Variants in ASB18 observed in about 807,000 individuals in gnomAD.
ASB18 encodes ankyrin repeat and SOCS box containing 18.
ASB18 carries 33 observed loss-of-function variants against 33.4 expected under a neutral mutation model. The ratio of observed to expected loss-of-function variants is 0.99; its 90% confidence interval spans 0.75 to 1.32. The LOEUF is 1.32. Among genes scored for constraint, ASB18 ranks in the 40% most tolerant of loss-of-function variants. The probability of loss-of-function intolerance (pLI) is 0.00; values close to 1 mark genes in which losing one functional copy is unlikely to be tolerated. For missense variants in ASB18, 694 were observed against 655.5 expected (o/e 1.06, Z -0.64); for synonymous variants, 295 against 307.6 (o/e 0.96, Z 0.43).
Position 236,237,806 on chromosome 2 carries a change from C to T in ASB18, c.479G>A (p.Cys160Tyr). ...GACGCAGGCGGTGTGGCCCCCGAGG[C>T]AGGCCTCGTGCAGGGCGCCGCGGCC... ...PGGRGALHEA[C>Y]LGGHTACVRL... is the part of the protein sequence containing the mutation. Residue 160 changes from cysteine (C) to tyrosine (Y), a missense_variant, in exon 3 of 6, where the codon TGC (cysteine) becomes TAC (tyrosine). Coordinates refer to ENST00000409749, the MANE Select transcript of ASB18 (RefSeq NM_212556.4). The surrounding 1 kb of genome is among the most constrained non-coding windows in gnomAD (Gnocchi z 6.2). 4.2e-6 allele frequency: 6 copies of T among 1,421,278 alleles called. No homozygotes were observed. Among genetic ancestry groups the T allele is most frequent in the Non-Finnish European group, 4.6e-6 (5 of 1,093,362 alleles). 88.0% of individuals were successfully genotyped at this position (1,421,278 alleles called of 1,614,324 possible).
chr2:236,224,165 T>C (rs1480965640), intron 3 of ASB18, among the ~76,000 whole-genome samples: 5 of 150,206 alleles, frequency 3.3e-5, no homozygotes, highest in East Asian at 2.0e-4. Flanking sequence ...CCTGATCTTG[T>C]CAACATTTGG....
In ASB18 at chr2:236,235,893, C is replaced by T. The variant is rs1053284092; in HGVS notation, c.596+1796G>A. Among the ~76,000 whole-genome samples, 8 of 152,096 alleles carry T rather than the reference C, an allele frequency of 5.3e-5. No homozygotes were observed. Among genetic ancestry groups the T allele is most frequent in the Admixed American group, 3.9e-4 (6 of 15,262 alleles). The stretch of plus-strand genomic sequence containing the variant: ...ATTTTTTGTAGAGATGGGGTTTTGC[C>T]GTGTTGCCCAGGCTGGTCTTGAACT... On this transcript the variant is annotated intron_variant, in intron 3 of 5. Coordinates refer to ENST00000409749, the MANE Select transcript of ASB18 (RefSeq NM_212556.4). This position sits in a 1 kb window ranked among gnomAD's most constrained non-coding sequence, Gnocchi z 6.2.
rs375309927 is a variant in ASB18 at position 236,256,885 on chromosome 2, A to C, written c.205+7256T>G. Among the ~76,000 whole-genome samples the C allele has an allele frequency of 2.0e-5, 3 of 151,258 alleles. No individual in the cohort carries two copies. Among genetic ancestry groups the C allele is most frequent in the Admixed American group, 2.0e-4 (3 of 15,168 alleles). On this transcript the variant is annotated intron_variant, in intron 1 of 5. Transcript: ENST00000409749. The surrounding 1 kb of genome is among the most constrained non-coding windows in gnomAD (Gnocchi z 4.7). ...AGTGTCATTCAACCTGCTTCTGGGG[A>C]AAAAAAAAGAGCCTAGGGTGTGTGT...
intron 4 of ASB18, among the ~76,000 whole-genome samples, chr2:236,212,785 C>G (rs552149010): frequency 3.3e-5 from 5 of 151,946 alleles, no homozygotes; most frequent in East Asian, 1.9e-4. Flanking sequence ...CCACCAGGCC[C>G]TGCTAATTTT....
chr2:236,244,534 G>A lies in ASB18; in HGVS notation c.206-3132C>T, dbSNP rs1168017500. ...GCTGTGCATCCTTGGTCACAGTCGA[G>A]CTTCCTAAGCCTCCTTTTATGCCAG... On this transcript the variant is annotated intron_variant, in intron 1 of 5. Coordinates refer to ENST00000409749, the MANE Select transcript of ASB18 (RefSeq NM_212556.4). This position sits in a 1 kb window ranked among gnomAD's most constrained non-coding sequence, Gnocchi z 6.1. Among the ~76,000 whole-genome samples, 1 of 152,200 alleles carries A rather than the reference G, an allele frequency of 6.6e-6. No individual in the cohort carries two copies. Among genetic ancestry groups the A allele is most frequent in the Admixed American group, 6.5e-5 (1 of 15,284 alleles).
Position 236,209,505 on chromosome 2 carries a change from A to T in ASB18, c.1101+4857T>A, listed in dbSNP as rs1028006369. 6.6e-6 allele frequency among the ~76,000 whole-genome samples: 1 copy of T among 152,118 alleles called. No individual in the cohort carries two copies. Among genetic ancestry groups the T allele is most frequent in the African/African-American group, 2.4e-5 (1 of 41,424 alleles). On this transcript the variant is annotated intron_variant, in intron 4 of 5. Transcript: ENST00000409749. The surrounding 1 kb of genome is among the most constrained non-coding windows in gnomAD (Gnocchi z 4.4). The stretch of plus-strand genomic sequence containing the variant: ...GGCCAGTCTCAAACTGCTGGGCTCA[A>T]GTCATCCTTGTGCCTCCCAGAGTGC...
In ASB18 at chr2:236,237,539, A is replaced by G. The variant is rs113148809; in HGVS notation, c.596+150T>C. On this transcript the variant is annotated intron_variant, in intron 3 of 5. Transcript: ENST00000409749. The surrounding 1 kb of genome is among the most constrained non-coding windows in gnomAD (Gnocchi z 6.2). ...GGACGGGGCGGATGCGGGTCTGGGGATCCAGTGGGCAGAGTCAAGGGTGCA... is the reference window on the plus strand; with the variant it reads ...GGACGGGGCGGATGCGGGTCTGGGGGTCCAGTGGGCAGAGTCAAGGGTGCA... 6.6e-3 allele frequency: 3,542 copies of G among 540,174 alleles called. 14 individuals are homozygous for G. The highest frequency in any genetic ancestry group is 7.4e-3 in the Non-Finnish European group (2,591 of 349,632). The allele number at this position is 540,174 out of a possible 1,614,324, so 33.5% of individuals were successfully genotyped here.
In ASB18 at chr2:236,194,827, A is replaced by C. The variant is rs1393158172; in HGVS notation, c.*45T>G. On this transcript the variant is annotated 3_prime_UTR_variant, in exon 6 of 6. Transcript: ENST00000409749. This position sits in a 1 kb window ranked among gnomAD's most constrained non-coding sequence, Gnocchi z 4.5. ...CTCTCCAACACACGGCCTCCATGGA[A>C]GGTCAGCGAGGAGAACAACAGTATT... 6.5e-7 allele frequency: 1 copy of C among 1,529,942 alleles called. No homozygotes were observed. Among genetic ancestry groups the C allele is most frequent in the Admixed American group, 1.8e-5 (1 of 54,666 alleles). The allele number at this position is 1,529,942 out of a possible 1,614,324, so 94.8% of individuals were successfully genotyped here. A position where few individuals can be genotyped will look rare whatever the true frequency, so the allele number is the denominator to read the frequency against.
Position 236,257,501 on chromosome 2 carries a change from GACTCTATCT to G in ASB18, c.205+6631_205+6639del, listed in dbSNP as rs1348526683. On this transcript the variant is annotated intron_variant, in intron 1 of 5. Coordinates refer to ENST00000409749, the MANE Select transcript of ASB18 (RefSeq NM_212556.4). The surrounding 1 kb of genome is among the most constrained non-coding windows in gnomAD (Gnocchi z 5.5). ...TTTTGCTCAATGATTTGAAACCAGGGACTCTATCTACTGAGATTGTGTGCACGTGTGCAT... is the reference window on the plus strand; with the variant it reads ...TTTTGCTCAATGATTTGAAACCAGGGACTGAGATTGTGTGCACGTGTGCAT... 2.6e-5 allele frequency among the ~76,000 whole-genome samples: 4 copies of G among 152,128 alleles called. No individual in the cohort carries two copies. The highest frequency in any genetic ancestry group is 5.9e-5 in the Non-Finnish European group (4 of 68,024).
chr2:236,240,521 T>G (rs1559336005), intron 2 of ASB18, among the ~76,000 whole-genome samples: 1 of 152,226 alleles, frequency 6.6e-6, no homozygotes, highest in South Asian at 2.1e-4. Context: ...GTGAAACTTC[T>G]TGGTAAATAT....
At position 236,231,832 on chromosome 2, in the gene ASB18, T is replaced by C. The variant is rs28821203; in HGVS notation, c.596+5857A>G. Among the ~76,000 whole-genome samples, 25,395 of 152,146 alleles carry C rather than the reference T, an allele frequency of 0.17. 2,178 individuals are homozygous for C. The highest frequency in any genetic ancestry group is 0.24 in the South Asian group (1,158 of 4,822). On this transcript the variant is annotated intron_variant, in intron 3 of 5. Coordinates refer to ENST00000409749, the MANE Select transcript of ASB18 (RefSeq NM_212556.4). This position sits in a 1 kb window ranked among gnomAD's most constrained non-coding sequence, Gnocchi z 5.5. ...GAATAATGCTAAGCATTTATGTACC[T>C]AATAATAGAGCTTCAAATTACTTGA... is the stretch of plus-strand genomic sequence containing the variant.
chr2:236,205,963 G>C lies in ASB18; in HGVS notation c.1101+8399C>G. 6.6e-6 allele frequency among the ~76,000 whole-genome samples: 1 copy of C among 152,206 alleles called. No homozygotes were observed. Among genetic ancestry groups the C allele is most frequent in the East Asian group, 1.9e-4 (1 of 5,182 alleles). On this transcript the variant is annotated intron_variant, in intron 4 of 5. Transcript: ENST00000409749. The surrounding 1 kb of genome is among the most constrained non-coding windows in gnomAD (Gnocchi z 5.4). ...TTCCATGTCTTTTTAGAACATTTTT[G>C]TTAGAATGTATATAGGTATGTGCCT...
intron 4 of ASB18, among the ~76,000 whole-genome samples, chr2:236,212,848 T>G (rs2060465513): frequency 6.6e-6 from 1 of 152,210 alleles, no homozygotes; most frequent in Non-Finnish European, 1.5e-5. Flanking sequence ...CAGGCTGGTC[T>G]TAAACTCCTG....
Position 236,256,371 on chromosome 2 carries a change from T to G in ASB18, c.205+7770A>C, listed in dbSNP as rs1252968036. Among the ~76,000 whole-genome samples the G allele has an allele frequency of 1.3e-5, 2 of 152,098 alleles. No individual in the cohort carries two copies. The highest frequency in any genetic ancestry group is 2.9e-5 in the Non-Finnish European group (2 of 68,016). On this transcript the variant is annotated intron_variant, in intron 1 of 5. Coordinates refer to ENST00000409749, the MANE Select transcript of ASB18 (RefSeq NM_212556.4). This position sits in a 1 kb window ranked among gnomAD's most constrained non-coding sequence, Gnocchi z 4.7. ...CCTAGTATGTGCAGGATGTGGCAAATAAGACAAACCTAGTCCCTGTCCAAT... is the reference window on the plus strand; with the variant it reads ...CCTAGTATGTGCAGGATGTGGCAAAGAAGACAAACCTAGTCCCTGTCCAAT...
Position 236,216,908 on chromosome 2 carries a change from G to C in ASB18, c.597-2042C>G, listed in dbSNP as rs6750934. Among the ~76,000 whole-genome samples the C allele has an allele frequency of 0.26, 39,729 of 152,000 alleles. 6,280 individuals are homozygous for C. Among genetic ancestry groups the C allele is most frequent in the African/African-American group, 0.45 (18,608 of 41,426 alleles). ...GCTTCAATTCTGCCTGACCAGGTAT[G>C]GTGCTGAGAGCACACTCTGCCGTGC... is the stretch of plus-strand genomic sequence containing the variant. On this transcript the variant is annotated intron_variant, in intron 3 of 5. Transcript: ENST00000409749. This position sits in a 1 kb window ranked among gnomAD's most constrained non-coding sequence, Gnocchi z 6.1.
rs1410116502 is a variant in ASB18 at position 236,216,925 on chromosome 2, C to G, written c.597-2059G>C. On this transcript the variant is annotated intron_variant, in intron 3 of 5. Transcript: ENST00000409749. The surrounding 1 kb of genome is among the most constrained non-coding windows in gnomAD (Gnocchi z 6.1). The stretch of plus-strand genomic sequence containing the variant: ...CCAGGTATGGTGCTGAGAGCACACT[C>G]TGCCGTGCCATGCCCCCATGCCCTC... 1.3e-5 allele frequency among the ~76,000 whole-genome samples: 2 copies of G among 152,126 alleles called. No homozygotes were observed. Among genetic ancestry groups the G allele is most frequent in the Non-Finnish European group, 2.9e-5 (2 of 68,036 alleles).
rs2060515788 is a variant in ASB18 at position 236,222,155 on chromosome 2, T to C, written c.597-7289A>G. ...GAGGAGCGGTTCCACTTTATTTCCC[T>C]GGACCTTCTGCTGAGGCTTTCCTTT... On this transcript the variant is annotated intron_variant, in intron 3 of 5. Coordinates refer to ENST00000409749, the MANE Select transcript of ASB18 (RefSeq NM_212556.4). This position sits in a 1 kb window ranked among gnomAD's most constrained non-coding sequence, Gnocchi z 5.5. Among the ~76,000 whole-genome samples the C allele has an allele frequency of 6.6e-6, 1 of 152,212 alleles. No individual in the cohort carries two copies. The highest frequency in any genetic ancestry group is 6.5e-5 in the Admixed American group (1 of 15,294).
chr2:236,256,415 G>A lies in ASB18; in HGVS notation c.205+7726C>T, dbSNP rs1408824375. ...GTCCAATATCCAGGTGCAGAGGTTGGCATTAAAAGATAGTGGGGCATTGGA... is the reference window on the plus strand; with the variant it reads ...GTCCAATATCCAGGTGCAGAGGTTGACATTAAAAGATAGTGGGGCATTGGA... On this transcript the variant is annotated intron_variant, in intron 1 of 5. Coordinates refer to ENST00000409749, the MANE Select transcript of ASB18 (RefSeq NM_212556.4). The surrounding 1 kb of genome is among the most constrained non-coding windows in gnomAD (Gnocchi z 4.7). Among the ~76,000 whole-genome samples, 1 of 152,194 alleles carries A rather than the reference G, an allele frequency of 6.6e-6. No homozygotes were observed.
rs797000376 is a variant in ASB18, at chr2:236,263,453, C to G, written c.205+688G>C. ...ATACAAACATTCATTACCAGTGATG[C>G]TCCTTGGTGAGGTTGTGGTGAAACA... On this transcript the variant is annotated intron_variant, in intron 1 of 5. Coordinates refer to ENST00000409749, the MANE Select transcript of ASB18 (RefSeq NM_212556.4). This position sits in a 1 kb window ranked among gnomAD's most constrained non-coding sequence, Gnocchi z 4.0. 9.8e-5 allele frequency among the ~76,000 whole-genome samples: 15 copies of G among 152,328 alleles called. No individual in the cohort carries two copies. Among genetic ancestry groups the G allele is most frequent in the African/African-American group, 3.6e-4 (15 of 41,578 alleles).
Sources: allele counts gnomAD v4.1 joint callset (sites outside exome capture counted in the v4.1 genomes callset), GRCh38; gene constraint gnomAD v4.1.1; non-coding constraint Gnocchi (gnomAD v3.1); transcripts MANE v1.5; gene names NCBI Gene and HGNC (gene_info 2026-07-23, HGNC 2026-07-21).